Variants in GANC observed in about 807,000 individuals in gnomAD.
The protein encoded by GANC is glucosidase alpha, neutral C, also known as neutral alpha-glucosidase C.
A neutral mutation model predicts 124.2 loss-of-function variants in GANC; 117 were observed. The observed-to-expected ratio is 0.94, with a 90% CI of 0.81 to 1.10. The LOEUF is 1.10. Among genes scored for constraint, GANC ranks in the 50% least tolerant of loss-of-function variants. The pLI, the probability that GANC is intolerant of heterozygous loss-of-function variation, is 0.00. For missense variants in GANC, 1,140 were observed against 1,095.0 expected, an observed-to-expected ratio of 1.04 and a Z score of -0.58; for synonymous variants, 377 against 376.8, an observed-to-expected ratio of 1.00 and a Z score of -0.01.
At chr15:42,283,794 C>A in intron 3 of GANC, 1 of 702,632 alleles carries the variant, frequency 1.4e-6, no homozygotes, top group Non-Finnish European at 2.6e-6. Flanking sequence ...TTAGCCAGTA[C>A]TGTGTCTGCA....
chr15:42,326,208 A>AT, intron 11 of GANC, 90 bp from the exon 12 acceptor site: 2 of 864,424 alleles, frequency 2.3e-6, no homozygotes, highest in Non-Finnish European at 3.7e-6. Flanking sequence ...GTTTGTAAAA[A>AT]TTGAACCCCC....
intron 11 of GANC, among the ~76,000 whole-genome samples, chr15:42,323,296 G>A (rs1457124462): frequency 6.6e-6 from 1 of 152,120 alleles, no homozygotes; most frequent in Non-Finnish European, 1.5e-5. Flanking sequence ...AAGATGCTAT[G>A]GTAGTGCTGA....
At chr15:42,283,648 C>A in intron 3 of GANC, 1 of 702,550 alleles carries the variant, frequency 1.4e-6, no homozygotes, top group Non-Finnish European at 2.6e-6. Flanking sequence ...ACACTTCCAG[C>A]AGCTTCTCCG....
intron 15 of GANC, among the ~76,000 whole-genome samples, chr15:42,334,068 C>G (rs528330158): frequency 9.2e-5 from 14 of 152,208 alleles, no homozygotes; most frequent in Non-Finnish European, 1.5e-4. Flanking sequence ...AAACTACACC[C>G]CTACCTCATA....
At chr15:42,316,923 C>T (rs1179634236) in intron 10 of GANC, among the ~76,000 whole-genome samples, 1 of 152,170 alleles carries the variant, frequency 6.6e-6, no homozygotes, top group Non-Finnish European at 1.5e-5. Flanking sequence ...CCTATACCCG[C>T]TGGTTATTCT....
chr15:42,282,592 T>G (rs1325097119), intron 3 of GANC, among the ~76,000 whole-genome samples: 1 of 152,192 alleles, frequency 6.6e-6, no homozygotes, highest in African/African-American at 2.4e-5. Context: ...ACACTCTTGG[T>G]GCCTGCCTGC....
intron 7 of GANC, 139 bp downstream of exon 7, chr15:42,306,751 A>G (rs775946916): frequency 3.4e-5 from 21 of 613,714 alleles, no homozygotes; most frequent in Non-Finnish European, 5.8e-5. Context: ...CAGATTTGCT[A>G]TCCTTCAGTA....
At chr15:42,347,241 G>C (rs977027568) in intron 20 of GANC, among the ~76,000 whole-genome samples, 2 of 151,846 alleles carry the variant, frequency 1.3e-5, no homozygotes, top group Non-Finnish European at 1.5e-5. Flanking sequence ...GGAGATGGAA[G>C]TGCTTTACTT....
In GANC at chr15:42,353,149, G is replaced by A. The variant is rs2052472078; in HGVS notation, c.*1010G>A. 6 of 985,614 alleles carry A rather than the reference G, an allele frequency of 6.1e-6. No homozygotes were observed. Among genetic ancestry groups the A allele is most frequent in the East Asian group, 1.1e-4 (1 of 8,818 alleles). The allele number at this position is 985,614 out of a possible 1,614,324, so 61.1% of individuals were successfully genotyped here. On this transcript the variant is annotated 3_prime_UTR_variant, in exon 24 of 24. Coordinates refer to ENST00000318010, the MANE Select transcript of GANC (RefSeq NM_198141.3). ...GGCAGAACATTACAACATACCAGTC[G>A]TGTCATGGTGCCCAAGGCTCCACAG...
intron 15 of GANC, among the ~76,000 whole-genome samples, chr15:42,331,697 A>G (rs1351600541): frequency 6.6e-6 from 1 of 152,246 alleles, no homozygotes; most frequent in Non-Finnish European, 1.5e-5. Flanking sequence ...TCCTTGAAAC[A>G]AAAGTAAGAA....
intron 17 of GANC, 140 bp downstream of exon 17, chr15:42,340,052 T>A: frequency 8.4e-7 from 1 of 1,189,684 alleles, no homozygotes; most frequent in Admixed American, 2.5e-5. Context: ...TTCAATAAGC[T>A]TATTGAGCAG....
intron 18 of GANC, among the ~76,000 whole-genome samples, chr15:42,342,105 C>T (rs897248129): frequency 8.6e-5 from 13 of 151,960 alleles, no homozygotes; most frequent in Non-Finnish European, 1.8e-4. Context: ...CTGTAAACTC[C>T]GTAAGGTCAG....
intron 20 of GANC, 94 bp from the exon 21 acceptor site, chr15:42,348,009 G>T: frequency 1.4e-6 from 1 of 721,958 alleles, no homozygotes. Context: ...CGTACTTGTA[G>T]ACTGTGAATT....
chr15:42,313,039 G>T (rs1305889376), intron 10 of GANC, among the ~76,000 whole-genome samples: 1 of 152,090 alleles, frequency 6.6e-6, no homozygotes, highest in Non-Finnish European at 1.5e-5. Flanking sequence ...TACGCTTATG[G>T]CCACCCAAAA....
chr15:42,330,769 C>CTTTT, intron 15 of GANC, 97 bp downstream of exon 15: 4 of 365,320 alleles, frequency 1.1e-5, no homozygotes, highest in South Asian at 9.2e-5. Flanking sequence ...CCTTCCTTTT[C>CTTTT]CTTTTTTTTT....
In GANC at chr15:42,338,496, A is replaced by G. The variant is rs1183273366; in HGVS notation, c.1843+6A>G. ...TGGGATCTCTTTTTGCGGAGGTAAG[A>G]TGAGTCCTTTGAGGCTTGAAGTGCA... On this transcript the variant is annotated splice_donor_region_variant and intron_variant, in intron 16 of 23. Coordinates refer to ENST00000318010, the MANE Select transcript of GANC (RefSeq NM_198141.3). The G allele has an allele frequency of 5.0e-6, 8 of 1,592,540 alleles. No homozygotes were observed. Among genetic ancestry groups the G allele is most frequent in the Non-Finnish European group, 6.0e-6 (7 of 1,160,494 alleles).
chr15:42,324,566 A>G (rs1211442157), intron 11 of GANC, among the ~76,000 whole-genome samples: 1 of 152,212 alleles, frequency 6.6e-6, no homozygotes, highest in Non-Finnish European at 1.5e-5. Flanking sequence ...TGACAGACGA[A>G]TATGTAAACA....
chr15:42,323,047 A>G (rs961407926), intron 11 of GANC, among the ~76,000 whole-genome samples: 5 of 152,194 alleles, frequency 3.3e-5, no homozygotes, highest in South Asian at 4.1e-4. Context: ...CCATATATCA[A>G]GCTGTTATGG....
intron 4 of GANC, among the ~76,000 whole-genome samples, chr15:42,291,775 A>G (rs76067985): frequency 0.02 from 3,065 of 152,228 alleles, 109 homozygotes; most frequent in African/African-American, 0.07. Flanking sequence ...TGGGGCAGTA[A>G]GCAATTTATG....
Sources: allele counts gnomAD v4.1 joint callset (sites outside exome capture counted in the v4.1 genomes callset), GRCh38; gene constraint gnomAD v4.1.1; transcripts MANE v1.5; gene names NCBI Gene and HGNC (gene_info 2026-07-23, HGNC 2026-07-21).